ITGA7: variants seen among roughly 807,000 people sequenced by gnomAD.
ITGA7 encodes the protein integrin alpha-7.
ITGA7 carries 84 observed loss-of-function variants against 131.6 expected under a neutral mutation model. The observed-to-expected ratio is 0.64, with a 90% confidence interval of 0.54 to 0.77. ITGA7 has a LOEUF of 0.77. Among genes scored for constraint, ITGA7 ranks in the 30% least tolerant of loss-of-function variants. The pLI, the probability that ITGA7 is intolerant of heterozygous loss-of-function variation, is 0.00. For missense variants in ITGA7, 1,399 were observed against 1,482.9 expected, an observed-to-expected ratio of 0.94 and a Z score of 0.93; for synonymous variants, 548 against 600.7, an observed-to-expected ratio of 0.91 and a Z score of 1.28.
rs1315596863 is a variant in ITGA7 at position 55,694,480 on chromosome 12, CAAT to C, written c.2317_2319del (p.Ile773del). The stretch of plus-strand genomic sequence containing the variant: ...AGCTCTACCTCCAGTTCCGTGGTCT[CAAT>C]GCTGATCCCGGAGGTGCTAAGGATG... On this transcript the variant is annotated inframe_deletion, in exon 17 of 25. Coordinates refer to ENST00000257879, the MANE Select transcript of ITGA7 (RefSeq NM_002206.3). The surrounding 1 kb of genome is among the most constrained non-coding windows in gnomAD (Gnocchi z 5.3). 1.9e-6 allele frequency: 3 copies of C among 1,614,188 alleles called. No homozygotes were observed. Among genetic ancestry groups the C allele is most frequent in the Non-Finnish European group, 2.5e-6 (3 of 1,180,032 alleles).
Position 55,694,697 on chromosome 12 carries a change from T to A in ITGA7, c.2197-2A>T. On this transcript the variant is annotated splice_acceptor_variant, in intron 15 of 24. Transcript: ENST00000257879. LOFTEE classifies it high-confidence loss of function. This position sits in a 1 kb window ranked among gnomAD's most constrained non-coding sequence, Gnocchi z 5.3. Reference sequence around the variant, plus strand: ...ATTGGACAGGCAGAGTGGCTTCTCCTGGAATGGGAGAGAAGGCAAGGTCAG... The same window carrying A: ...ATTGGACAGGCAGAGTGGCTTCTCCAGGAATGGGAGAGAAGGCAAGGTCAG... 2 of 1,614,058 alleles carry A rather than the reference T, an allele frequency of 1.2e-6. No homozygotes were observed. Among genetic ancestry groups the A allele is most frequent in the Non-Finnish European group, 1.7e-6 (2 of 1,179,948 alleles).
At chr12:55,703,375 A>T (rs899341960) in intron 1 of ITGA7, among the ~76,000 whole-genome samples, 197 bp from the exon 2 acceptor site, 1 of 151,946 alleles carries the variant, frequency 6.6e-6, no homozygotes, top group Non-Finnish European at 1.5e-5. Flanking sequence ...ATCACGTTGC[A>T]TGTACATACT....
Position 55,688,229 on chromosome 12 carries a change from G to T in ITGA7, c.3030C>A (p.Asn1010Lys), listed in dbSNP as rs777594571. 3 of 1,614,038 alleles carry T rather than the reference G, an allele frequency of 1.9e-6. No homozygotes were observed. In the African/African-American group the frequency reaches 4.0e-5, roughly 22 times the overall value. Reference sequence around the variant, plus strand: ...CTGTGGAGGCATCTCGGAGCATCAAGTTCTTTATGGAGGACTTCACTGTGA... The same window carrying T: ...CTGTGGAGGCATCTCGGAGCATCAATTTCTTTATGGAGGACTTCACTGTGA... Reference protein sequence around the residue: ...ANITVKSSIKNLMLRDASTVI... With the variant: ...ANITVKSSIKKLMLRDASTVI... Residue 1010 changes from asparagine (N) to lysine (K), a missense_variant, in exon 23 of 25, where the codon AAC (asparagine) becomes AAA (lysine). Coordinates refer to ENST00000257879, the MANE Select transcript of ITGA7 (RefSeq NM_002206.3).
At chr12:55,689,119 T>C (rs981666176) in intron 21 of ITGA7, among the ~76,000 whole-genome samples, 162 bp from the exon 22 acceptor site, 3 of 152,192 alleles carry the variant, frequency 2.0e-5, no homozygotes, top group African/African-American at 7.2e-5. Flanking sequence ...ATCTGAGCTA[T>C]TCAGCTTTGA....
chr12:55,687,960 C>T lies in ITGA7; in HGVS notation c.3183+11G>A. The T allele has an allele frequency of 6.2e-7, 1 of 1,614,118 alleles. No individual in the cohort carries two copies. Among genetic ancestry groups the T allele is most frequent in the Non-Finnish European group, 8.5e-7 (1 of 1,180,012 alleles). On this transcript the variant is annotated intron_variant, in intron 24 of 24. Coordinates refer to ENST00000257879, the MANE Select transcript of ITGA7 (RefSeq NM_002206.3). ...AAGTCCACCCCCATCAGCCCCACCT[C>T]CAAGCCTCACCTTCCACAGGAGCAG...
At chr12:55,698,688 G>T in intron 6 of ITGA7, 22 bp downstream of exon 6, 1 of 1,613,198 alleles carries the variant, frequency 6.2e-7, no homozygotes, top group Non-Finnish European at 8.5e-7. Flanking sequence ...CCCTCAGGTG[G>T]CACGGCCCTC....
chr12:55,687,448 C>T lies in ITGA7; in HGVS notation c.3183+523G>A, dbSNP rs143003779. On this transcript the variant is annotated intron_variant, in intron 24 of 24. Coordinates refer to ENST00000257879, the MANE Select transcript of ITGA7 (RefSeq NM_002206.3). Reference sequence around the variant, plus strand: ...AGGTGATCCACTCACCTCAGCCTCCCAAAGTGCTGGGATTACAGGCATGAG... The same window carrying T: ...AGGTGATCCACTCACCTCAGCCTCCTAAAGTGCTGGGATTACAGGCATGAG... Among the ~76,000 whole-genome samples, 449 of 150,990 alleles carry T rather than the reference C, an allele frequency of 3.0e-3. 3 individuals carry two copies. Among genetic ancestry groups the T allele is most frequent in the Middle Eastern group, 0.021 (6 of 288 alleles).
Position 55,687,996 on chromosome 12 carries a change from G to GCTAGCACCAGCAGCC in ITGA7, c.3143_3157dup (p.Gly1048_Leu1052dup). 6.2e-7 allele frequency: 1 copy of GCTAGCACCAGCAGCC among 1,614,114 alleles called. No homozygotes were observed. The highest frequency in any genetic ancestry group is 8.5e-7 in the Non-Finnish European group (1 of 1,180,002). On this transcript the variant is annotated inframe_insertion, in exon 24 of 25. Coordinates refer to ENST00000257879, the MANE Select transcript of ITGA7 (RefSeq NM_002206.3). The stretch of plus-strand genomic sequence containing the variant: ...CTTCCACAGGAGCAGCACCAGCAGT[G>GCTAGCACCAGCAGCC]CTAGCACCAGCAGCCCAGCCAGTAC...
rs775328842 is a variant in ITGA7, at chr12:55,686,309, G to A, written c.3184-1021C>T. 2.2e-6 allele frequency: 3 copies of A among 1,335,558 alleles called. No individual in the cohort carries two copies. In the Admixed American group the frequency reaches 6.0e-5, roughly 27 times the overall value. 82.7% of individuals were successfully genotyped at this position (1,335,558 alleles called of 1,614,324 possible). On this transcript the variant is annotated intron_variant, in intron 24 of 24. Coordinates refer to ENST00000257879, the MANE Select transcript of ITGA7 (RefSeq NM_002206.3). ...AGCTCTGGCTGCTCCGATGGAAGAA[G>A]CCACACTAGGATGTCGAGGGAGAAG... is the stretch of plus-strand genomic sequence containing the variant.
upstream of ITGA7, among the ~76,000 whole-genome samples, chr12:55,714,819 C>T (rs1160418322): frequency 1.5e-5 from 2 of 131,428 alleles, no homozygotes; most frequent in Non-Finnish European, 1.5e-5. Flanking sequence ...GATGTTTGGT[C>T]TTCACTCCTT....
chr12:55,705,741 CACA>C (rs1875044143), intron 1 of ITGA7, among the ~76,000 whole-genome samples: 2 of 152,256 alleles, frequency 1.3e-5, no homozygotes, highest in Non-Finnish European at 2.9e-5. Context: ...TCTTAATCTG[CACA>C]ACAACCCTAT....
At chr12:55,690,149 C>T (rs1399569339) in intron 21 of ITGA7, among the ~76,000 whole-genome samples, 1 of 152,152 alleles carries the variant, frequency 6.6e-6, no homozygotes, top group African/African-American at 2.4e-5. Flanking sequence ...AGAGCTTCTG[C>T]ACAGCAAAAG....
intron 19 of ITGA7, 40 bp downstream of exon 19, chr12:55,693,981 G>T (rs1451627773): frequency 1.3e-6 from 2 of 1,502,040 alleles, no homozygotes; most frequent in African/African-American, 2.8e-5. Flanking sequence ...GTGCCAAGGA[G>T]GGAGGGTGAC....
rs1478962916 is a variant in ITGA7, at chr12:55,688,845, T to A, written c.2957A>T (p.Glu986Val). 1 of 1,611,932 alleles carries A rather than the reference T, an allele frequency of 6.2e-7. No homozygotes were observed. Among genetic ancestry groups the A allele is most frequent in the Non-Finnish European group, 8.5e-7 (1 of 1,178,266 alleles). Residue 986 changes from glutamate to valine, a missense_variant and splice_region_variant, in exon 22 of 25, where the codon GAG becomes GTG. Glu to Val is a moderately radical substitution (Grantham distance 121). Coordinates refer to ENST00000257879, the MANE Select transcript of ITGA7 (RefSeq NM_002206.3). Reference sequence around the variant, plus strand: ...ACTAGAGCCGAGTGGTATCCTCACCTCCAGAAAGGTGCTGTTCCAGAGACG... The same window carrying A: ...ACTAGAGCCGAGTGGTATCCTCACCACCAGAAAGGTGCTGTTCCAGAGACG... ...WGRLWNSTFL[E>V]EYSAVKSLEV...
chr12:55,698,517 C>T lies in ITGA7; in HGVS notation c.1058G>A (p.Gly353Asp). ...YFFERQEELG[G>D]AVYVYLNQGG... Reference sequence around the variant, plus strand: ...CTGGTTCAAGTACACATACACAGCACCCCCCAGCTCTTCTTGGCGCTCAAA... The same window carrying T: ...CTGGTTCAAGTACACATACACAGCATCCCCCAGCTCTTCTTGGCGCTCAAA... Residue 353 changes from glycine (G) to aspartate (D), a missense_variant, in exon 7 of 25, where the codon GGT (glycine) becomes GAT (aspartate). Gly to Asp is a moderately conservative substitution (Grantham distance 94, BLOSUM62 -1). Transcript: ENST00000257879. 1 of 1,614,006 alleles carries T rather than the reference C, an allele frequency of 6.2e-7. No homozygotes were observed. The highest frequency in any genetic ancestry group is 8.5e-7 in the Non-Finnish European group (1 of 1,179,926).
chr12:55,688,200 A>C lies in ITGA7; in HGVS notation c.3057+2T>G. On this transcript the variant is annotated splice_donor_variant, in intron 23 of 24. Coordinates refer to ENST00000257879, the MANE Select transcript of ITGA7 (RefSeq NM_002206.3). LOFTEE classifies it high-confidence loss of function. ...CACCTATCCCCCAACCCTGCAGCTCACCACTGTGGAGGCATCTCGGAGCAT... is the reference window on the plus strand; with the variant it reads ...CACCTATCCCCCAACCCTGCAGCTCCCCACTGTGGAGGCATCTCGGAGCAT... 6.2e-7 allele frequency: 1 copy of C among 1,613,954 alleles called. No individual in the cohort carries two copies. Among genetic ancestry groups the C allele is most frequent in the Non-Finnish European group, 8.5e-7 (1 of 1,179,852 alleles).
At chr12:55,706,775 G>A (rs1285009791) in intron 1 of ITGA7, among the ~76,000 whole-genome samples, 2 of 152,192 alleles carry the variant, frequency 1.3e-5, no homozygotes, top group African/African-American at 2.4e-5. Context: ...AGGAAGGGGA[G>A]CAGCCTGGCC....
intron 7 of ITGA7, 37 bp downstream of exon 7, chr12:55,698,346 C>T: frequency 2.6e-6 from 4 of 1,557,504 alleles, no homozygotes; most frequent in South Asian, 2.3e-5. Context: ...CTCCTGTGGC[C>T]CCTCCCTCCC....
chr12:55,691,470 T>G (rs1871402047), intron 21 of ITGA7, among the ~76,000 whole-genome samples: 2 of 152,218 alleles, frequency 1.3e-5, no homozygotes, highest in African/African-American at 4.8e-5. Context: ...ACTAAGAGAA[T>G]AGATTTTAAG....
Sources: allele counts gnomAD v4.1 joint callset (sites outside exome capture counted in the v4.1 genomes callset), GRCh38; gene constraint gnomAD v4.1.1; non-coding constraint Gnocchi (gnomAD v3.1); transcripts MANE v1.5; gene names NCBI Gene and HGNC (gene_info 2026-07-23, HGNC 2026-07-21).